The following ZNF25 variants were observed in gnomAD, a reference collection of about 807,000 sequenced individuals.
ZNF25 encodes the protein zinc finger protein 25.
ZNF25 carries 21 observed loss-of-function variants against 30.9 expected under a neutral mutation model. That is an observed-to-expected ratio of 0.68 (90% CI 0.48 to 0.98). The LOEUF (loss-of-function observed/expected upper bound fraction) is 0.98. Among genes scored for constraint, ZNF25 ranks in the 50% least tolerant of loss-of-function variants. ZNF25 has a pLI of 0.00. For synonymous variants in ZNF25, 169 were observed against 181.3 expected, an observed-to-expected ratio of 0.93 and a Z score of 0.55; for missense variants, 501 against 529.9, an observed-to-expected ratio of 0.95 and a Z score of 0.54.
chr10:37,967,760 C>T (rs2063269282), intron 2 of ZNF25, among the ~76,000 whole-genome samples: 1 of 152,128 alleles, frequency 6.6e-6, no homozygotes, highest in Non-Finnish European at 1.5e-5. Context: ...AAAGAATAGT[C>T]TCTTCATCAA....
At chr10:37,972,297 C>A (rs775909936) in intron 1 of ZNF25, among the ~76,000 whole-genome samples, 2 of 152,144 alleles carry the variant, frequency 1.3e-5, no homozygotes, top group South Asian at 2.1e-4. Context: ...TCTCCAAGAA[C>A]CTTCTTTTGA....
chr10:37,959,920 T>C (rs753034696), intron 2 of ZNF25, among the ~76,000 whole-genome samples: 65 of 151,692 alleles, frequency 4.3e-4, no homozygotes, highest in Non-Finnish European at 8.4e-4. Flanking sequence ...GGTTTTTTTG[T>C]TGTTGTTGTT....
At position 37,962,969 on chromosome 10, in the gene ZNF25, G is replaced by C. The variant is rs117275383; in HGVS notation, c.16-5423C>G. 6.5e-3 allele frequency among the ~76,000 whole-genome samples: 983 copies of C among 151,926 alleles called. 11 individuals carry two copies. The highest frequency in any genetic ancestry group is 0.054 in the South Asian group (259 of 4,816). On this transcript the variant is annotated intron_variant, in intron 2 of 5. Coordinates refer to ENST00000302609, the MANE Select transcript of ZNF25 (RefSeq NM_145011.4). Reference sequence around the variant, plus strand: ...TGATTTCCTGAGAAATGGTGACTTAGGGAGCTCTAAGAATTGGTCCCTCCA... The same window carrying C: ...TGATTTCCTGAGAAATGGTGACTTACGGAGCTCTAAGAATTGGTCCCTCCA...
intron 1 of ZNF25, among the ~76,000 whole-genome samples, chr10:37,976,271 A>G (rs1468124985): frequency 6.6e-6 from 1 of 152,158 alleles, no homozygotes; most frequent in African/African-American, 2.4e-5. Context: ...ACGTCACACA[A>G]TGCGGCTGCT....
chr10:37,968,246 T>C (rs1310409532), intron 2 of ZNF25, among the ~76,000 whole-genome samples: 1 of 151,820 alleles, frequency 6.6e-6, no homozygotes, highest in East Asian at 1.9e-4. Flanking sequence ...TTAACAGACA[T>C]GGAGTTTCAC....
chr10:37,951,909 T>C lies in ZNF25; in HGVS notation c.*218A>G, dbSNP rs1350055358. On this transcript the variant is annotated 3_prime_UTR_variant, in exon 6 of 6. Coordinates refer to ENST00000302609, the MANE Select transcript of ZNF25 (RefSeq NM_145011.4). ...TTTACAATTTGCATGACTTCTGCCATCTATATTATCTAATATTTAGAAAAG... is the reference window on the plus strand; with the variant it reads ...TTTACAATTTGCATGACTTCTGCCACCTATATTATCTAATATTTAGAAAAG... 1 of 418,216 alleles carries C rather than the reference T, an allele frequency of 2.4e-6. No individual in the cohort carries two copies. Among genetic ancestry groups the C allele is most frequent in the East Asian group, 3.5e-5 (1 of 28,512 alleles). The allele number at this position is 418,216 out of a possible 1,614,324, so 25.9% of individuals were successfully genotyped here. A position where few individuals can be genotyped will look rare whatever the true frequency, so the allele number is the denominator to read the frequency against.
At position 37,965,335 on chromosome 10, in the gene ZNF25, C is replaced by T. The variant is rs142639808; in HGVS notation, c.15+6373G>A. On this transcript the variant is annotated intron_variant, in intron 2 of 5. Transcript: ENST00000302609. ...GGGAAGGGGACCACTGCCCTCCATA[C>T]TTTGGAATGCTAGAGCCACTAGCCA... Among the ~76,000 whole-genome samples the T allele has an allele frequency of 8.8e-4, 134 of 152,280 alleles. 1 individual carries two copies. The Middle Eastern group carries it at 0.024, about 27-fold the overall frequency.
chr10:37,957,268 T>C (rs751850492), intron 3 of ZNF25, 152 bp downstream of exon 3: 168 of 1,286,910 alleles, frequency 1.3e-4, no homozygotes, highest in Non-Finnish European at 1.7e-4. Flanking sequence ...GACACAAATA[T>C]TTTTTCTAGT....
rs1195994800 is a variant in ZNF25, at chr10:37,953,728, G to C, written c.269C>G (p.Ala90Gly). ...EDLWSIHDLE[A>G]RYQESQAGNS... ...TCCAGCTTGGCTTTCCTGGTATCTTGCTTCTAGATCATGAATGCTCCATAG... is the reference window on the plus strand; with the variant it reads ...TCCAGCTTGGCTTTCCTGGTATCTTCCTTCTAGATCATGAATGCTCCATAG... The change falls in exon 5 of 6, where the codon GCA (alanine) becomes GGA (glycine). Residue 90 changes from alanine (A) to glycine (G), a missense_variant. Coordinates refer to ENST00000302609, the MANE Select transcript of ZNF25 (RefSeq NM_145011.4). 1.2e-6 allele frequency: 2 copies of C among 1,613,860 alleles called. No individual in the cohort carries two copies. Among genetic ancestry groups the C allele is most frequent in the Admixed American group, 3.3e-5 (2 of 59,986 alleles).
At chr10:37,960,623 CA>C (rs201582068) in intron 2 of ZNF25, among the ~76,000 whole-genome samples, 874 of 65,652 alleles carry the variant, frequency 0.013, 2 homozygotes, top group Non-Finnish European at 0.019. Context: ...GACTCCATCT[CA>C]AAAAAAAAAA....
intron 2 of ZNF25, among the ~76,000 whole-genome samples, chr10:37,959,848 A>T (rs578150625): frequency 6.6e-6 from 1 of 151,864 alleles, no homozygotes; most frequent in African/African-American, 2.4e-5. Flanking sequence ...GACCTCAGGT[A>T]ATCTGCCCAC....
chr10:37,972,926 G>A (rs1157958152), intron 1 of ZNF25, among the ~76,000 whole-genome samples: 1 of 152,124 alleles, frequency 6.6e-6, no homozygotes, highest in African/African-American at 2.4e-5. Context: ...CCAGCATTTT[G>A]GGAGGCCAAG....
At position 37,951,429 on chromosome 10, in the gene ZNF25, T is replaced by A; in HGVS notation, c.*698A>T. The A allele has an allele frequency of 6.6e-6, 1 of 152,276 alleles. No individual in the cohort carries two copies. Among genetic ancestry groups the A allele is most frequent in the East Asian group, 1.9e-4 (1 of 5,202 alleles). 9.4% of individuals were successfully genotyped at this position (152,276 alleles called of 1,614,324 possible). ...ATGTTTAATGATGTTGCCTGATAAC[T>A]TGTGCTTTTTAAAAGCTTCATATAT... On this transcript the variant is annotated 3_prime_UTR_variant, in exon 6 of 6. Coordinates refer to ENST00000302609, the MANE Select transcript of ZNF25 (RefSeq NM_145011.4).
chr10:37,961,853 G>A (rs1423445090), intron 2 of ZNF25, among the ~76,000 whole-genome samples: 8 of 149,178 alleles, frequency 5.4e-5, no homozygotes, highest in Admixed American at 3.4e-4. Flanking sequence ...CCTGGGATGC[G>A]GATGTTGTGG....
chr10:37,953,809 T>C (rs1206431206), intron 4 of ZNF25, 51 bp from the exon 5 acceptor site: 4 of 1,479,130 alleles, frequency 2.7e-6, no homozygotes, highest in Non-Finnish European at 2.8e-6. Flanking sequence ...ACATTAATAT[T>C]GTCATAGCAT....
At position 37,949,617 on chromosome 10, in the gene ZNF25, G is replaced by A; in HGVS notation, c.*2510C>T. 1 of 152,140 alleles carries A rather than the reference G, an allele frequency of 6.6e-6. No homozygotes were observed. Among genetic ancestry groups the A allele is most frequent in the South Asian group, 2.1e-4 (1 of 4,828 alleles). 9.4% of individuals were successfully genotyped at this position (152,140 alleles called of 1,614,324 possible). Reference sequence around the variant, plus strand: ...GGAAGGGGAAGTAAGACGCTGGCAGGTTTAGATTGTAGCAGCATATGACAA... The same window carrying A: ...GGAAGGGGAAGTAAGACGCTGGCAGATTTAGATTGTAGCAGCATATGACAA... On this transcript the variant is annotated 3_prime_UTR_variant, in exon 6 of 6. Coordinates refer to ENST00000302609, the MANE Select transcript of ZNF25 (RefSeq NM_145011.4).
intron 2 of ZNF25, among the ~76,000 whole-genome samples, chr10:37,958,704 G>T (rs1202135421): frequency 6.6e-6 from 1 of 151,996 alleles, no homozygotes; most frequent in Non-Finnish European, 1.5e-5. Context: ...AGAATCGCAT[G>T]AACCTGGGAA....
chr10:37,962,473 C>T (rs755641331), intron 2 of ZNF25, among the ~76,000 whole-genome samples: 3 of 152,126 alleles, frequency 2.0e-5, no homozygotes, highest in African/African-American at 4.8e-5. Flanking sequence ...AGAAAAATAT[C>T]TTAAACTGAA....
chr10:37,961,936 A>AG (rs2062904916), intron 2 of ZNF25, among the ~76,000 whole-genome samples: 1 of 146,246 alleles, frequency 6.8e-6, no homozygotes, highest in South Asian at 2.2e-4. Flanking sequence ...AAAAAAAAAA[A>AG]AAAAAAAACC....
Sources: allele counts gnomAD v4.1 joint callset (sites outside exome capture counted in the v4.1 genomes callset), GRCh38; gene constraint gnomAD v4.1.1; transcripts MANE v1.5; gene names NCBI Gene and HGNC (gene_info 2026-07-23, HGNC 2026-07-21).